The following SORBS2 variants were observed in gnomAD, a reference collection of about 807,000 sequenced individuals.
SORBS2 encodes the protein sorbin and SH3 domain containing 2.
Under a neutral mutation model 97.7 loss-of-function variants are expected in SORBS2, and 46 were observed. The observed-to-expected ratio is 0.47, with a 90% confidence interval of 0.37 to 0.60. The LOEUF is 0.60. Ranked by LOEUF, SORBS2 falls within the 20% of genes least tolerant of loss-of-function variation. The pLI, the probability that SORBS2 is intolerant of heterozygous loss-of-function variation, is 0.00. For missense variants in SORBS2, 1,316 were observed against 1,282.3 expected (o/e 1.03, Z -0.40); for synonymous variants, 476 against 473.4 (o/e 1.01, Z -0.07).
chr4:185,602,232 A>T (rs553981948), intron 12 of SORBS2, among the ~76,000 whole-genome samples: 170 of 149,994 alleles, frequency 1.1e-3, no homozygotes, highest in African/African-American at 4.0e-3. Flanking sequence ...CTGGTCTTGA[A>T]CTCCTGACCT....
intron 2 of SORBS2, among the ~76,000 whole-genome samples, chr4:185,712,492 A>C (rs1359709202): frequency 6.6e-6 from 1 of 152,246 alleles, no homozygotes; most frequent in Admixed American, 6.5e-5. Context: ...CACCAGTGCA[A>C]ATATAAAAGG....
At chr4:185,778,331 A>G (rs1182122025) in intron 1 of SORBS2, among the ~76,000 whole-genome samples, 1 of 152,148 alleles carries the variant, frequency 6.6e-6, no homozygotes, top group Non-Finnish European at 1.5e-5. Flanking sequence ...CTGCATCCCT[A>G]ACAAATTCCC....
At chr4:185,925,523 T>C (rs1219936953) in intron 1 of SORBS2, among the ~76,000 whole-genome samples, 1 of 152,212 alleles carries the variant, frequency 6.6e-6, no homozygotes, top group East Asian at 1.9e-4. Context: ...TTGCTTGCAT[T>C]CTTAGTGTCA....
At chr4:185,896,630 T>C (rs1040366467) in intron 1 of SORBS2, among the ~76,000 whole-genome samples, 15 of 152,140 alleles carry the variant, frequency 9.9e-5, no homozygotes, top group Non-Finnish European at 1.6e-4. Context: ...TTTTGACATA[T>C]GGAAATTCCT....
At chr4:185,786,776 A>G (rs1278214811) in intron 1 of SORBS2, among the ~76,000 whole-genome samples, 1 of 152,150 alleles carries the variant, frequency 6.6e-6, no homozygotes. Flanking sequence ...AGCCTGGCCA[A>G]CATGGTGACA....
In SORBS2 at chr4:185,690,557, C is replaced by T. The variant is rs1184948418; in HGVS notation, c.-197-11735G>A. On this transcript the variant is annotated intron_variant, in intron 2 of 20. Transcript: ENST00000284776. ...AAAAGAGTTTAAAACTAACAGACAG[C>T]ATACCTGTGTTCATTTTCACCTTGG... 6.6e-7 allele frequency: 1 copy of T among 1,522,822 alleles called. No homozygotes were observed. The highest frequency in any genetic ancestry group is 8.9e-7 in the Non-Finnish European group (1 of 1,127,252). 94.3% of individuals were successfully genotyped at this position (1,522,822 alleles called of 1,614,324 possible).
chr4:185,649,489 T>C (rs2097273455), exon 3 of SORBS2: 1 of 1,587,014 alleles, frequency 6.3e-7, no homozygotes, highest in African/African-American at 1.4e-5. Flanking sequence ...GACCGATCTC[T>C]TGGTCGAAGC....
intron 1 of SORBS2, among the ~76,000 whole-genome samples, chr4:185,930,625 T>A (rs1234074355): frequency 6.6e-6 from 1 of 152,160 alleles, no homozygotes; most frequent in African/African-American, 2.4e-5. Context: ...CTGGGGGATT[T>A]TGAATCCTTT....
chr4:185,607,182 A>T lies in SORBS2; in HGVS notation c.2796+4598T>A. 3.6e-6 allele frequency: 4 copies of T among 1,119,312 alleles called. No individual in the cohort carries two copies. In the South Asian group the frequency reaches 7.9e-5, roughly 22 times the overall value. The allele number at this position is 1,119,312 out of a possible 1,614,324, so 69.3% of individuals were successfully genotyped here. On this transcript the variant is annotated intron_variant, in intron 12 of 14. Coordinates refer to ENST00000418609, the Ensembl canonical transcript of SORBS2. The surrounding 1 kb of genome is among the most constrained non-coding windows in gnomAD (Gnocchi z 5.2). ...TTAAAGCACCAAGCTTCTCCAATTC[A>T]CCCAAGAAGTTGTCCAGGAAACGAG...
At chr4:185,943,201 G>A (rs1435714865) in intron 1 of SORBS2, among the ~76,000 whole-genome samples, 1 of 152,196 alleles carries the variant, frequency 6.6e-6, no homozygotes, top group Admixed American at 6.5e-5. Flanking sequence ...CCCTTGGGTG[G>A]CTTAAGGCCA....
intron 1 of SORBS2, chr4:185,811,839 G>T (rs1158017181): frequency 2.0e-5 from 3 of 152,468 alleles, no homozygotes; most frequent in Non-Finnish European, 2.9e-5. Context: ...CAGACCTGCC[G>T]CTCATATGCC....
upstream of SORBS2, among the ~76,000 whole-genome samples, chr4:185,659,207 T>C (rs766668480): frequency 2.6e-5 from 4 of 152,220 alleles, no homozygotes; most frequent in Non-Finnish European, 4.4e-5. Context: ...AACTGCTTTA[T>C]GTGCAGTTTA....
chr4:185,697,008 T>A lies in SORBS2; in HGVS notation c.-197-18186A>T, dbSNP rs75709111. ...GACATGTGAGGAATTAATTAGAATA[T>A]CCCTATAACACATGTATAGGCAAAC... On this transcript the variant is annotated intron_variant, in intron 2 of 20. Coordinates refer to the SORBS2 transcript ENST00000284776. Among the ~76,000 whole-genome samples the A allele has an allele frequency of 1.6e-3, 242 of 152,270 alleles. 5 individuals carry two copies. The East Asian group carries it at 0.033, about 21-fold the overall frequency.
At chr4:185,941,098 C>T (rs2099271769) in intron 1 of SORBS2, among the ~76,000 whole-genome samples, 1 of 152,218 alleles carries the variant, frequency 6.6e-6, no homozygotes, top group Non-Finnish European at 1.5e-5. Context: ...TCGTTATTAT[C>T]ACAGCACTTA....
At chr4:185,946,038 G>A (rs956621287) in intron 1 of SORBS2, among the ~76,000 whole-genome samples, 2 of 152,154 alleles carry the variant, frequency 1.3e-5, no homozygotes, top group East Asian at 1.9e-4. Flanking sequence ...GAGAATAAAG[G>A]GCTATCTTTA....
At chr4:185,941,012 G>T (rs1420534707) in intron 1 of SORBS2, among the ~76,000 whole-genome samples, 1 of 152,116 alleles carries the variant, frequency 6.6e-6, no homozygotes, top group Non-Finnish European at 1.5e-5. Context: ...CTGGACAGCT[G>T]CCCACATAAA....
intron 4 of SORBS2, chr4:185,639,030 AG>A (rs1417171562): frequency 3.3e-6 from 5 of 1,513,042 alleles, no homozygotes; most frequent in South Asian, 2.5e-5. Flanking sequence ...TTGTTGGGAG[AG>A]GGGGCTGCAA....
At chr4:185,768,698 C>CAAAAAAAAAAAAAAAAA (rs1207578871) in intron 2 of SORBS2, among the ~76,000 whole-genome samples, 4 of 84,798 alleles carry the variant, frequency 4.7e-5, no homozygotes, top group Non-Finnish European at 9.8e-5. Context: ...GACTCTGTCT[C>CAAAAAAAAAAAAAAAAA]AAAAAAAAAA....
chr4:185,752,125 A>C (rs948115311), intron 2 of SORBS2, among the ~76,000 whole-genome samples: 1 of 152,250 alleles, frequency 6.6e-6, no homozygotes, highest in African/African-American at 2.4e-5. Context: ...CAGGGAAAAC[A>C]GAAAAGTATC....
Sources: gnomAD v4.1 joint callset for allele counts (sites outside exome capture counted in the v4.1 genomes callset) on GRCh38, gnomAD v4.1.1 for gene constraint, Gnocchi (gnomAD v3.1) non-coding constraint, MANE v1.5 for transcripts, NCBI Gene and HGNC (gene_info 2026-07-23, HGNC 2026-07-21) for gene names.